AK8: variants seen among roughly 807,000 people sequenced by gnomAD.
The protein encoded by AK8 is adenylate kinase 8.
A neutral mutation model predicts 54.6 loss-of-function variants in AK8; 44 were observed. That is an observed-to-expected ratio of 0.81 (90% CI 0.63 to 1.04). AK8 has a LOEUF of 1.04. Ranked by LOEUF, AK8 falls within the 50% of genes least tolerant of loss-of-function variation. AK8 has a pLI of 0.00. For missense variants in AK8, 555 were observed against 613.6 expected, an observed-to-expected ratio of 0.90 and a Z score of 1.01; for synonymous variants, 239 against 245.6, an observed-to-expected ratio of 0.97 and a Z score of 0.25.
chr9:132,796,160 G>A (rs890560133), intron 10 of AK8, among the ~76,000 whole-genome samples: 1 of 152,186 alleles, frequency 6.6e-6, no homozygotes, highest in East Asian at 1.9e-4. Flanking sequence ...GGCTGGGATA[G>A]GACCCTGATC....
chr9:132,865,641 C>T (rs113235586), intron 3 of AK8, among the ~76,000 whole-genome samples: 17,695 of 151,700 alleles, frequency 0.12, 2,196 homozygotes, highest in African/African-American at 0.31. Context: ...GGTGAAACCC[C>T]GTTTCTACTA....
intron 11 of AK8, 132 bp downstream of exon 11, chr9:132,792,502 G>A: frequency 7.7e-7 from 1 of 1,296,706 alleles, no homozygotes; most frequent in Non-Finnish European, 1.0e-6. Context: ...GGGTGGGAAT[G>A]GGGATGACCA....
intron 11 of AK8, among the ~76,000 whole-genome samples, chr9:132,736,784 C>CAAA (rs201150328): frequency 7.6e-5 from 5 of 66,216 alleles, no homozygotes; most frequent in African/African-American, 2.1e-4. Context: ...GAATCCATCT[C>CAAA]AAAAAAAAAA....
chr9:132,869,072 C>G (rs958085459), intron 2 of AK8, among the ~76,000 whole-genome samples: 7 of 152,094 alleles, frequency 4.6e-5, no homozygotes, highest in Non-Finnish European at 8.8e-5. Flanking sequence ...CCCAGCTACT[C>G]GGGAGGCTGA....
At chr9:132,745,356 C>T (rs770993439) in intron 11 of AK8, among the ~76,000 whole-genome samples, 1 of 152,128 alleles carries the variant, frequency 6.6e-6, no homozygotes, top group Non-Finnish European at 1.5e-5. Flanking sequence ...GCTAATTGCT[C>T]GACTTTACGG....
At chr9:132,838,337 G>A (rs1469797671) in intron 5 of AK8, among the ~76,000 whole-genome samples, 1 of 152,198 alleles carries the variant, frequency 6.6e-6, no homozygotes. Flanking sequence ...CCCCTTTACA[G>A]TGAAAGAACC....
At position 132,765,803 on chromosome 9, in the gene AK8, G is replaced by A. The variant is rs75714923; in HGVS notation, c.1121+26831C>T. Among the ~76,000 whole-genome samples, 9 of 152,172 alleles carry A rather than the reference G, an allele frequency of 5.9e-5. No homozygotes were observed. The South Asian group carries it at 8.3e-4, about 14-fold the overall frequency. ...TAAAACAAGTATGCCCACTCTCATC[G>A]CTCTTATTCAATACATTACTGTAAG... On this transcript the variant is annotated intron_variant, in intron 11 of 12. Coordinates refer to ENST00000298545, the MANE Select transcript of AK8 (RefSeq NM_152572.3).
intron 5 of AK8, among the ~76,000 whole-genome samples, chr9:132,847,898 T>C (rs533055303): frequency 3.9e-5 from 6 of 152,020 alleles, no homozygotes; most frequent in African/African-American, 9.6e-5. Context: ...GAGGATCGTT[T>C]CAGCCCAGTT....
chr9:132,748,304 T>C (rs557149983), intron 11 of AK8, among the ~76,000 whole-genome samples: 1 of 151,972 alleles, frequency 6.6e-6, no homozygotes, highest in African/African-American at 2.4e-5. Context: ...CTCAGTCTCT[T>C]ATCAAACCCC....
chr9:132,785,585 C>A (rs1839662904), intron 11 of AK8, among the ~76,000 whole-genome samples: 1 of 152,064 alleles, frequency 6.6e-6, no homozygotes, highest in Admixed American at 6.6e-5. Context: ...CAAAACACAT[C>A]CCATAAAGAA....
At position 132,778,786 on chromosome 9, in the gene AK8, T is replaced by C. The variant is rs967015693; in HGVS notation, c.1121+13848A>G. 3.3e-5 allele frequency among the ~76,000 whole-genome samples: 5 copies of C among 152,018 alleles called. No individual in the cohort carries two copies. The South Asian group carries it at 1.0e-3, about 32-fold the overall frequency. On this transcript the variant is annotated intron_variant, in intron 11 of 12. Transcript: ENST00000298545. Reference sequence around the variant, plus strand: ...ATTGGACATAATTGAAACAAAAAAATCAAAACCACATTTAGCAGAATAATT... The same window carrying C: ...ATTGGACATAATTGAAACAAAAAAACCAAAACCACATTTAGCAGAATAATT...
chr9:132,812,785 C>T (rs1378678842), intron 10 of AK8, among the ~76,000 whole-genome samples: 1 of 152,210 alleles, frequency 6.6e-6, no homozygotes, highest in Non-Finnish European at 1.5e-5. Context: ...AGCATAAGAG[C>T]TCGTGCTGGT....
intron 11 of AK8, among the ~76,000 whole-genome samples, chr9:132,786,865 C>A (rs1839730948): frequency 6.6e-6 from 1 of 152,054 alleles, no homozygotes; most frequent in African/African-American, 2.4e-5. Context: ...CCCCATCCTC[C>A]TAACAAAATC....
At chr9:132,829,316 A>G (rs776119626) in intron 5 of AK8, among the ~76,000 whole-genome samples, 2 of 152,056 alleles carry the variant, frequency 1.3e-5, no homozygotes, top group Non-Finnish European at 2.9e-5. Flanking sequence ...TCATATCTGC[A>G]CAGCTCCTCA....
intron 5 of AK8, among the ~76,000 whole-genome samples, chr9:132,847,768 C>A (rs929919877): frequency 6.6e-6 from 1 of 152,082 alleles, no homozygotes; most frequent in Non-Finnish European, 1.5e-5. Flanking sequence ...ATCACTTAAG[C>A]ACAGGAGTTT....
intron 5 of AK8, among the ~76,000 whole-genome samples, chr9:132,833,528 T>G (rs1842191119): frequency 6.6e-6 from 1 of 152,144 alleles, no homozygotes; most frequent in Non-Finnish European, 1.5e-5. Context: ...AGCTGCAGCT[T>G]TGTTCAGAGC....
At chr9:132,854,191 C>A (rs186386873) in intron 5 of AK8, among the ~76,000 whole-genome samples, 14 of 152,260 alleles carry the variant, frequency 9.2e-5, no homozygotes, top group Admixed American at 7.2e-4. Flanking sequence ...CAGAGCAAGA[C>A]CCTGTCTCAA....
rs114427043 is a variant in AK8 at position 132,844,812 on chromosome 9, T to C, written c.402+10045A>G. 4.6e-3 allele frequency among the ~76,000 whole-genome samples: 702 copies of C among 152,330 alleles called. 14 individuals are homozygous for C. Among genetic ancestry groups the C allele is most frequent in the African/African-American group, 0.016 (673 of 41,562 alleles). ...GCTCAAGTCCAACCCCATGGTTTTA[T>C]AGATGGAAAAACTGAGGCCTAAGGA... On this transcript the variant is annotated intron_variant, in intron 5 of 12. Coordinates refer to ENST00000298545, the MANE Select transcript of AK8 (RefSeq NM_152572.3).
At position 132,725,627 on chromosome 9, in the gene AK8, G is replaced by T. The variant is rs1004334426; in HGVS notation, c.*61C>A. 1.3e-5 allele frequency: 18 copies of T among 1,425,836 alleles called. No homozygotes were observed. The highest frequency in any genetic ancestry group is 1.6e-5 in the Non-Finnish European group (17 of 1,040,118). 88.3% of individuals were successfully genotyped at this position (1,425,836 alleles called of 1,614,324 possible). A position where few individuals can be genotyped will look rare whatever the true frequency, so the allele number is the denominator to read the frequency against. On this transcript the variant is annotated 3_prime_UTR_variant, in exon 13 of 13. Coordinates refer to ENST00000298545, the MANE Select transcript of AK8 (RefSeq NM_152572.3). ...TTTTTAGGGGAGCTGTGCCGAGGCT[G>T]GGGGGCTGGGGGCAGGGGATTAACT...
Sources: gnomAD v4.1 joint callset for allele counts (sites outside exome capture counted in the v4.1 genomes callset) on GRCh38, gnomAD v4.1.1 for gene constraint, MANE v1.5 for transcripts, NCBI Gene and HGNC (gene_info 2026-07-23, HGNC 2026-07-21) for gene names.